NKAIN3: variants seen among roughly 807,000 people sequenced by gnomAD.
NKAIN3 encodes the protein sodium/potassium transporting ATPase interacting 3, also known as sodium/potassium-transporting ATPase subunit beta-1-interacting protein 3.
A neutral mutation model predicts 30.2 loss-of-function variants in NKAIN3; 25 were observed. That is an observed-to-expected ratio of 0.83 (90% CI 0.60 to 1.16). The LOEUF is 1.16. Among genes scored for constraint, NKAIN3 ranks in the 50% most tolerant of loss-of-function variants. NKAIN3 has a pLI of 0.00. For synonymous variants in NKAIN3, 91 were observed against 89.6 expected (o/e 1.02, Z -0.09); for missense variants, 225 against 254.1 (o/e 0.89, Z 0.78).
At chr8:62,589,647 T>C in intron 2 of NKAIN3, 67 bp from the exon 3 acceptor site, 4 of 656,430 alleles carry the variant, frequency 6.1e-6, no homozygotes, top group Non-Finnish European at 1.1e-5. Flanking sequence ...ATTATTGATT[T>C]ATTTGATATA....
intron 3 of NKAIN3, among the ~76,000 whole-genome samples, chr8:62,697,254 C>T (rs1215536723): frequency 3.3e-5 from 5 of 152,198 alleles, no homozygotes; most frequent in South Asian, 2.1e-4. Flanking sequence ...CCACTACCTC[C>T]CTAGCCTCAT....
At chr8:62,707,056 T>TACACACACACACACACAC (rs35879987) in intron 3 of NKAIN3, among the ~76,000 whole-genome samples, 1 of 143,310 alleles carries the variant, frequency 7.0e-6, no homozygotes, top group African/African-American at 2.8e-5. Context: ...CATACATACA[T>TACACACACACACACACAC]ACACACACAC....
chr8:62,965,783 CTGT>C lies in NKAIN3; in HGVS notation c.*379_*381del, dbSNP rs1168763179. 6 of 985,172 alleles carry C rather than the reference CTGT, an allele frequency of 6.1e-6. No homozygotes were observed. Among genetic ancestry groups the C allele is most frequent in the Non-Finnish European group, 4.8e-6 (4 of 829,834 alleles). The allele number at this position is 985,172 out of a possible 1,614,324, so 61.0% of individuals were successfully genotyped here. A position where few individuals can be genotyped will look rare whatever the true frequency, so the allele number is the denominator to read the frequency against. ...GGAGATGTTAAGTCAGCACTGCTGA[CTGT>C]TGAAGTTATTCTAGGCCTGATGAAT... On this transcript the variant is annotated 3_prime_UTR_variant, in exon 7 of 7. Transcript: ENST00000623646.
chr8:62,294,430 T>G (rs1227347931), intron 1 of NKAIN3, among the ~76,000 whole-genome samples: 1 of 152,196 alleles, frequency 6.6e-6, no homozygotes, highest in Non-Finnish European at 1.5e-5. Flanking sequence ...AGAGTATCTT[T>G]CCCTCATATT....
chr8:62,895,163 A>C (rs1004795256), intron 4 of NKAIN3, among the ~76,000 whole-genome samples: 3 of 152,224 alleles, frequency 2.0e-5, no homozygotes, highest in African/African-American at 7.2e-5. Context: ...CTACACGTAT[A>C]TGTATTCTCT....
chr8:62,419,254 G>A (rs767648011), intron 1 of NKAIN3, among the ~76,000 whole-genome samples: 40 of 152,136 alleles, frequency 2.6e-4, no homozygotes, highest in Non-Finnish European at 4.9e-4. Context: ...CTGCATGTGG[G>A]TGATTGGGTA....
intron 1 of NKAIN3, among the ~76,000 whole-genome samples, chr8:62,336,508 C>A (rs1053816508): frequency 1.3e-5 from 2 of 151,994 alleles, no homozygotes; most frequent in African/African-American, 4.8e-5. Context: ...TGCTAACAGT[C>A]TCCTTGAAGT....
At chr8:62,642,279 A>G (rs1377875722) in intron 3 of NKAIN3, among the ~76,000 whole-genome samples, 1 of 152,142 alleles carries the variant, frequency 6.6e-6, no homozygotes, top group Admixed American at 6.6e-5. Context: ...ACTGTCATCG[A>G]AACCTCAGTC....
chr8:62,606,040 A>G (rs2130166771), intron 3 of NKAIN3, among the ~76,000 whole-genome samples: 1 of 152,254 alleles, frequency 6.6e-6, no homozygotes, highest in Middle Eastern at 3.4e-3. Context: ...TAATTGACCT[A>G]CCTTCAGTGA....
At chr8:62,430,918 T>C (rs1804974558) in intron 1 of NKAIN3, among the ~76,000 whole-genome samples, 1 of 151,846 alleles carries the variant, frequency 6.6e-6, no homozygotes, top group Admixed American at 6.6e-5. Flanking sequence ...AGTAAGCTTC[T>C]TTTAGACCCT....
intron 1 of NKAIN3, among the ~76,000 whole-genome samples, chr8:62,411,781 A>G (rs1804243698): frequency 6.6e-6 from 1 of 152,170 alleles, no homozygotes; most frequent in Non-Finnish European, 1.5e-5. Context: ...AGAGTCAAAT[A>G]AAGAACACAA....
At chr8:62,918,378 A>G in intron 4 of NKAIN3, 75 bp from the exon 5 acceptor site, 1 of 1,016,488 alleles carries the variant, frequency 9.8e-7, no homozygotes, top group Non-Finnish European at 1.5e-6. Flanking sequence ...ATTTATCTTT[A>G]TTAGATTATA....
At chr8:62,432,660 AG>A (rs1563396707) in intron 1 of NKAIN3, among the ~76,000 whole-genome samples, 2 of 152,142 alleles carry the variant, frequency 1.3e-5, no homozygotes, top group African/African-American at 4.8e-5. Flanking sequence ...GATGCATCCC[AG>A]TCTAAACCCC....
At chr8:62,476,268 C>T (rs1806515405) in intron 1 of NKAIN3, among the ~76,000 whole-genome samples, 1 of 152,090 alleles carries the variant, frequency 6.6e-6, no homozygotes, top group Non-Finnish European at 1.5e-5. Flanking sequence ...GACAAGATAG[C>T]ACATTGTTCA....
intron 1 of NKAIN3, among the ~76,000 whole-genome samples, chr8:62,266,462 C>T (rs903513258): frequency 1.5e-4 from 23 of 152,016 alleles, no homozygotes; most frequent in Middle Eastern, 6.8e-3. Flanking sequence ...GAAAGAAAAA[C>T]GATTATTTTA....
Position 62,252,660 on chromosome 8 carries a change from T to C in NKAIN3, c.54+3533T>C, listed in dbSNP as rs532148635. Among the ~76,000 whole-genome samples the C allele has an allele frequency of 9.8e-5, 15 of 152,294 alleles. No individual in the cohort carries two copies. The South Asian group carries it at 3.1e-3, about 32-fold the overall frequency. On this transcript the variant is annotated intron_variant, in intron 1 of 6. Coordinates refer to ENST00000623646, the MANE Select transcript of NKAIN3 (RefSeq NM_001304533.3). ...AGTGAAAAGTATGAATACAGGCCCA[T>C]CAAAAACGATGTGAAATAATTTTTT...
At chr8:62,446,710 T>C (rs1805496541) in intron 1 of NKAIN3, among the ~76,000 whole-genome samples, 1 of 152,128 alleles carries the variant, frequency 6.6e-6, no homozygotes, top group South Asian at 2.1e-4. Flanking sequence ...ATAGGTGGAA[T>C]CCTACAATAT....
chr8:62,855,877 C>A (rs1820045677), intron 4 of NKAIN3: 1 of 772,602 alleles, frequency 1.3e-6, no homozygotes, highest in Non-Finnish European at 2.4e-6. Flanking sequence ...GGCACCAAAG[C>A]CACAAAATAA....
chr8:62,893,429 G>T (rs1821347083), intron 4 of NKAIN3, among the ~76,000 whole-genome samples: 1 of 152,170 alleles, frequency 6.6e-6, no homozygotes, highest in Admixed American at 6.5e-5. Flanking sequence ...CTTCCAAAAT[G>T]ACCTTCTAAA....
Sources: allele counts gnomAD v4.1 joint callset (sites outside exome capture counted in the v4.1 genomes callset), GRCh38; gene constraint gnomAD v4.1.1; transcripts MANE v1.5; gene names NCBI Gene and HGNC (gene_info 2026-07-23, HGNC 2026-07-21).